The following SLC25A15 variants were observed in gnomAD, a reference collection of about 807,000 sequenced individuals.
The protein encoded by SLC25A15 is mitochondrial ornithine transporter 1.
Under a neutral mutation model 32.3 loss-of-function variants are expected in SLC25A15, and 24 were observed. The ratio of observed to expected loss-of-function variants is 0.74; its 90% confidence interval spans 0.54 to 1.04. SLC25A15 has a LOEUF of 1.04. Ranked by LOEUF, SLC25A15 falls within the 50% of genes least tolerant of loss-of-function variation. The pLI, the probability that SLC25A15 is intolerant of heterozygous loss-of-function variation, is 0.00. For missense variants in SLC25A15, 317 were observed against 374.5 expected (o/e 0.85, Z 1.27); for synonymous variants, 132 against 142.1 (o/e 0.93, Z 0.51).
In SLC25A15 at chr13:40,810,867, TG is replaced by T. The variant is rs1566125850; in HGVS notation, c.*1204del. On this transcript the variant is annotated 3_prime_UTR_variant, in exon 7 of 7. Coordinates refer to ENST00000338625, the MANE Select transcript of SLC25A15 (RefSeq NM_014252.4). ...TACCTTTTGTCTCTGGGTCCTGGCC[TG>T]GGGCCATCAATCCACTTTGGGCCAC... 2 of 534,610 alleles carry T rather than the reference TG, an allele frequency of 3.7e-6. No individual in the cohort carries two copies. The highest frequency in any genetic ancestry group is 5.4e-5 in the East Asian group (1 of 18,358). 33.1% of individuals were successfully genotyped at this position (534,610 alleles called of 1,614,324 possible).
intron 2 of SLC25A15, among the ~76,000 whole-genome samples, chr13:40,795,948 G>A (rs1482742413): frequency 6.6e-6 from 1 of 152,206 alleles, no homozygotes; most frequent in Non-Finnish European, 1.5e-5. Flanking sequence ...TCCCTTGTCT[G>A]GTGTCGTTGC....
At chr13:40,790,614 T>C (rs1174504393) in intron 1 of SLC25A15, among the ~76,000 whole-genome samples, 1 of 152,172 alleles carries the variant, frequency 6.6e-6, no homozygotes, top group East Asian at 1.9e-4. Flanking sequence ...TGAGACGGAG[T>C]TTCGCTCTTG....
At chr13:40,794,481 C>G (rs1881610366) in intron 2 of SLC25A15, among the ~76,000 whole-genome samples, 1 of 152,342 alleles carries the variant, frequency 6.6e-6, no homozygotes, top group South Asian at 2.1e-4. Context: ...GAGGCTCCCC[C>G]AGCACAGGGA....
intron 3 of SLC25A15, among the ~76,000 whole-genome samples, chr13:40,802,774 A>G (rs928094740): frequency 1.6e-4 from 25 of 152,196 alleles, no homozygotes; most frequent in African/African-American, 3.9e-4. Context: ...GGGTTTCACC[A>G]TGTTGGCCAG....
chr13:40,809,726 G>A lies in SLC25A15; in HGVS notation c.*59G>A, dbSNP rs1882367832. ...TTTGAGGACTACAGTTCATCTCAGGGTTTCTTGGAGTACAAGACCAGTGTG... is the reference window on the plus strand; with the variant it reads ...TTTGAGGACTACAGTTCATCTCAGGATTTCTTGGAGTACAAGACCAGTGTG... On this transcript the variant is annotated 3_prime_UTR_variant, in exon 7 of 7. Coordinates refer to ENST00000338625, the MANE Select transcript of SLC25A15 (RefSeq NM_014252.4). 9 of 1,581,998 alleles carry A rather than the reference G, an allele frequency of 5.7e-6. No homozygotes were observed. The highest frequency in any genetic ancestry group is 6.9e-6 in the Non-Finnish European group (8 of 1,154,130).
At chr13:40,798,886 T>C (rs746014793) in intron 2 of SLC25A15, 171 bp from the exon 3 acceptor site, 22 of 985,424 alleles carry the variant, frequency 2.2e-5, no homozygotes, top group Non-Finnish European at 2.7e-5. Context: ...GCCAGGCACA[T>C]CAAGGACCTG....
chr13:40,811,154 A>C lies in SLC25A15; in HGVS notation c.*1487A>C, dbSNP rs1382832492. Reference sequence around the variant, plus strand: ...TTGCAGTCAGTAAGTCTTAATGATGACTGTATATGTGATATGAGTTTATAA... The same window carrying C: ...TTGCAGTCAGTAAGTCTTAATGATGCCTGTATATGTGATATGAGTTTATAA... On this transcript the variant is annotated 3_prime_UTR_variant, in exon 7 of 7. Transcript: ENST00000338625. Among the ~76,000 whole-genome samples the C allele has an allele frequency of 6.6e-6, 1 of 152,238 alleles. No individual in the cohort carries two copies. The highest frequency in any genetic ancestry group is 2.1e-4 in the South Asian group (1 of 4,838).
chr13:40,808,099 GCCTGTCTTCTC>G (rs1164074431), intron 5 of SLC25A15, among the ~76,000 whole-genome samples: 3 of 152,188 alleles, frequency 2.0e-5, no homozygotes, highest in Admixed American at 2.0e-4. Context: ...ATTGTGTTTG[GCCTGTCTTCTC>G]CCCACTGTAG....
chr13:40,805,646 A>G (rs567414799), intron 4 of SLC25A15, among the ~76,000 whole-genome samples: 18 of 152,214 alleles, frequency 1.2e-4, no homozygotes, highest in Admixed American at 6.5e-5. Context: ...TTTGATCCCC[A>G]CTTCAGGTTT....
intron 4 of SLC25A15, 66 bp from the exon 5 acceptor site, chr13:40,807,228 A>G (rs1882220359): frequency 2.7e-6 from 4 of 1,481,820 alleles, no homozygotes; most frequent in South Asian, 1.1e-5. Context: ...ATTGGTTGCA[A>G]ATGCCCTTGT....
At chr13:40,808,877 G>A (rs535673646) in intron 6 of SLC25A15, among the ~76,000 whole-genome samples, 1 of 145,310 alleles carries the variant, frequency 6.9e-6, no homozygotes, top group South Asian at 2.2e-4. Context: ...GGAGCTTGCA[G>A]TGAGCTGAGA....
rs188641299 is a variant in SLC25A15 at position 40,809,682 on chromosome 13, C to G, written c.*15C>G. On this transcript the variant is annotated 3_prime_UTR_variant, in exon 7 of 7. Coordinates refer to ENST00000338625, the MANE Select transcript of SLC25A15 (RefSeq NM_014252.4). ...AAGCATACTGAAGTGTCTTGGTGGG[C>G]CTGAGCCAAGCACAGGTGTTTGAGG... The G allele has an allele frequency of 1.9e-6, 3 of 1,612,572 alleles. No individual in the cohort carries two copies. Among genetic ancestry groups the G allele is most frequent in the Non-Finnish European group, 2.5e-6 (3 of 1,179,654 alleles).
Position 40,809,799 on chromosome 13 carries a change from C to G in SLC25A15, c.*132C>G, listed in dbSNP as rs779462191. The stretch of plus-strand genomic sequence containing the variant: ...ATTTTGCTTTTTGTCTTCCCTTCTA[C>G]CCTACATCTTAAACTTTATGGAAGA... On this transcript the variant is annotated 3_prime_UTR_variant, in exon 7 of 7. Coordinates refer to ENST00000338625, the MANE Select transcript of SLC25A15 (RefSeq NM_014252.4). 1 of 874,826 alleles carries G rather than the reference C, an allele frequency of 1.1e-6. No homozygotes were observed. Among genetic ancestry groups the G allele is most frequent in the Non-Finnish European group, 1.9e-6 (1 of 537,328 alleles). The allele number at this position is 874,826 out of a possible 1,614,324, so 54.2% of individuals were successfully genotyped here.
intron 1 of SLC25A15, among the ~76,000 whole-genome samples, chr13:40,791,860 C>T (rs1278387835): frequency 6.6e-6 from 1 of 152,146 alleles, no homozygotes; most frequent in African/African-American, 2.4e-5. Flanking sequence ...GAAGTCTCGT[C>T]GTTGGCAAGA....
rs747658091 is a variant in SLC25A15, at chr13:40,808,546, G to T, written c.731G>T (p.Gly244Val). 6.2e-7 allele frequency: 1 copy of T among 1,611,254 alleles called. No individual in the cohort carries two copies. The highest frequency in any genetic ancestry group is 8.5e-7 in the Non-Finnish European group (1 of 1,179,946). ...KSRIQVLSMS[G>V]KQAGFIRTFI... ...AGAATTCAAGTTCTTTCCATGTCTG[G>T]AAAACAGGCAGGATTTATCAGAACC... Residue 244 changes from glycine (G) to valine (V), a missense_variant, in exon 6 of 7, where the codon GGA becomes GTA. By Grantham distance (109) the Gly-to-Val change is moderately radical (BLOSUM62 -3). Coordinates refer to ENST00000338625, the MANE Select transcript of SLC25A15 (RefSeq NM_014252.4).
rs111392677 is a variant in SLC25A15 at position 40,807,759 on chromosome 13, A to G, written c.622+296A>G. Among the ~76,000 whole-genome samples the G allele has an allele frequency of 9.7e-3, 1,473 of 152,328 alleles. 25 individuals carry two copies. Among genetic ancestry groups the G allele is most frequent in the African/African-American group, 0.034 (1,410 of 41,576 alleles). ...ATTTTAGGGGAGAAGAAATCCAGAA[A>G]TTACTTTCCCAATTGGGGAATCACC... On this transcript the variant is annotated intron_variant, in intron 5 of 6. Coordinates refer to ENST00000338625, the MANE Select transcript of SLC25A15 (RefSeq NM_014252.4).
chr13:40,799,807 A>C (rs1454074202), intron 3 of SLC25A15, among the ~76,000 whole-genome samples: 2 of 152,236 alleles, frequency 1.3e-5, no homozygotes, highest in Non-Finnish European at 2.9e-5. Flanking sequence ...TCCAAGATTT[A>C]GCTTTTCTTT....
intron 2 of SLC25A15, among the ~76,000 whole-genome samples, chr13:40,794,333 T>A (rs1881606145): frequency 1.4e-5 from 2 of 147,498 alleles, no homozygotes; most frequent in South Asian, 2.1e-4. Context: ...ACAGTGAAAC[T>A]CTGTCTCAAA....
Position 40,796,736 on chromosome 13 carries a change from A to G in SLC25A15, c.56-2321A>G, listed in dbSNP as rs565341848. 3.2e-4 allele frequency among the ~76,000 whole-genome samples: 49 copies of G among 151,064 alleles called. 1 individual carries two copies. Among genetic ancestry groups the G allele is most frequent in the African/African-American group, 1.1e-3 (45 of 41,090 alleles). On this transcript the variant is annotated intron_variant, in intron 2 of 6. Transcript: ENST00000338625. ...GGTGTGAGTCTGCTTCTCTCTCCTCACCTCTCTGCCTTCTTCAGAGCTGTC... is the reference window on the plus strand; with the variant it reads ...GGTGTGAGTCTGCTTCTCTCTCCTCGCCTCTCTGCCTTCTTCAGAGCTGTC...
Sources: allele counts gnomAD v4.1 joint callset (sites outside exome capture counted in the v4.1 genomes callset), GRCh38; gene constraint gnomAD v4.1.1; transcripts MANE v1.5; gene names NCBI Gene and HGNC (gene_info 2026-07-23, HGNC 2026-07-21).